The following STON2 variants were observed in gnomAD, a reference collection of about 807,000 sequenced individuals.
The protein encoded by STON2 is stonin 2.
A neutral mutation model predicts 65.7 loss-of-function variants in STON2; 29 were observed. That is an observed-to-expected ratio of 0.44 (90% CI 0.33 to 0.60). The LOEUF (loss-of-function observed/expected upper bound fraction) is 0.60. Ranked by LOEUF, STON2 falls within the 20% of genes least tolerant of loss-of-function variation. STON2 has a pLI of 0.03. For missense variants in STON2, 1,054 were observed against 1,118.1 expected, an observed-to-expected ratio of 0.94 and a Z score of 0.82; for synonymous variants, 404 against 414.2, an observed-to-expected ratio of 0.98 and a Z score of 0.30.
chr14:81,269,296 G>A (rs1052766782), intron 7 of STON2: 52 of 984,732 alleles, frequency 5.3e-5, no homozygotes, highest in Admixed American at 6.2e-5. Context: ...ATGAGCCACA[G>A]CACCCGGCCA....
At chr14:81,408,157 A>ACACACACACACACACACG (rs147841517) in intron 2 of STON2, among the ~76,000 whole-genome samples, 5 of 150,410 alleles carry the variant, frequency 3.3e-5, no homozygotes, top group African/African-American at 1.2e-4. Context: ...ACACACACAC[A>ACACACACACACACACACG]CGCGCACACA....
intron 4 of STON2, among the ~76,000 whole-genome samples, chr14:81,360,001 G>A (rs933689466): frequency 2.0e-5 from 3 of 152,178 alleles, no homozygotes; most frequent in African/African-American, 7.2e-5. Flanking sequence ...TGAGGGCAGA[G>A]GATCGCTCAT....
intron 5 of STON2, among the ~76,000 whole-genome samples, chr14:81,304,975 C>T (rs1393152245): frequency 1.3e-5 from 2 of 152,132 alleles, no homozygotes; most frequent in Non-Finnish European, 2.9e-5. Flanking sequence ...TCACTAACTA[C>T]CTCTTCCCCC....
chr14:81,357,543 TTAC>T (rs1898296391), intron 4 of STON2, among the ~76,000 whole-genome samples: 1 of 151,632 alleles, frequency 6.6e-6, no homozygotes, highest in South Asian at 2.1e-4. Context: ...AGCCATCCCA[TTAC>T]TGGGTATATA....
intron 4 of STON2, among the ~76,000 whole-genome samples, chr14:81,361,341 A>G (rs1898484712): frequency 6.6e-6 from 1 of 152,156 alleles, no homozygotes; most frequent in Non-Finnish European, 1.5e-5. Flanking sequence ...AAGCCCAGAA[A>G]TGAAACCACA....
intron 5 of STON2, among the ~76,000 whole-genome samples, chr14:81,288,569 G>A (rs1895430524): frequency 6.6e-6 from 1 of 152,154 alleles, no homozygotes; most frequent in South Asian, 2.1e-4. Context: ...TGACATACAC[G>A]TGTTCTGTTG....
intron 4 of STON2, among the ~76,000 whole-genome samples, chr14:81,366,405 T>TC (rs569760987): frequency 1.1e-4 from 17 of 151,976 alleles, no homozygotes; most frequent in Non-Finnish European, 2.4e-4. Flanking sequence ...CCGTAATCCC[T>TC]CTCCAAACAA....
At chr14:81,365,925 T>C (rs918369136) in intron 4 of STON2, among the ~76,000 whole-genome samples, 2 of 152,230 alleles carry the variant, frequency 1.3e-5, no homozygotes, top group Non-Finnish European at 2.9e-5. Flanking sequence ...CCAACCCATG[T>C]GAACCTAGTG....
In STON2 at chr14:81,265,166, G is replaced by A. The variant is rs2140085333; in HGVS notation, c.*3248C>T. On this transcript the variant is annotated 3_prime_UTR_variant, in exon 8 of 8. Coordinates refer to ENST00000614646, the MANE Select transcript of STON2 (RefSeq NM_001394390.1). ...AATTTGCCCAACTGTTTTCTATGTA[G>A]GTTATTACATAGCTAATTTGCCCAC... The A allele has an allele frequency of 1.0e-6, 1 of 984,480 alleles. No individual in the cohort carries two copies. The highest frequency in any genetic ancestry group is 1.7e-5 in the African/African-American group (1 of 57,166). The allele number at this position is 984,480 out of a possible 1,614,324, so 61.0% of individuals were successfully genotyped here. A position where few individuals can be genotyped will look rare whatever the true frequency, so the allele number is the denominator to read the frequency against.
chr14:81,431,548 GTGGACACATTACC>G (rs1902225404), intron 1 of STON2, among the ~76,000 whole-genome samples: 1 of 152,080 alleles, frequency 6.6e-6, no homozygotes, highest in African/African-American at 2.4e-5. Flanking sequence ...GGAGGCCAAG[GTGGACACATTACC>G]TGAGATCAGG....
chr14:81,371,711 G>A (rs867848796), intron 3 of STON2, among the ~76,000 whole-genome samples: 12 of 136,516 alleles, frequency 8.8e-5, no homozygotes, highest in Admixed American at 6.7e-4. Context: ...AGAAAAGTAA[G>A]GTCCCAGGAC....
intron 1 of STON2, among the ~76,000 whole-genome samples, chr14:81,427,852 T>C (rs1227292870): frequency 2.0e-5 from 3 of 152,210 alleles, no homozygotes; most frequent in African/African-American, 7.2e-5. Context: ...AGATAGCCCC[T>C]GTTAACTCTT....
chr14:81,278,835 TGGAATCCAGTACATTCCAAA>T (rs762443896), intron 5 of STON2, 96 bp from the exon 6 acceptor site: 19 of 954,556 alleles, frequency 2.0e-5, no homozygotes, highest in Non-Finnish European at 2.9e-5. Context: ...GAATTTTAAC[TGGAATCCAGTACATTCCAAA>T]GCAGCTCATT....
chr14:81,302,967 A>T (rs1342425063), intron 5 of STON2, among the ~76,000 whole-genome samples: 2 of 152,230 alleles, frequency 1.3e-5, no homozygotes, highest in African/African-American at 4.8e-5. Flanking sequence ...AGGAACAAGT[A>T]GAAAAATATT....
At chr14:81,350,636 T>C (rs569516261) in intron 4 of STON2, among the ~76,000 whole-genome samples, 183 of 151,966 alleles carry the variant, frequency 1.2e-3, no homozygotes, top group Non-Finnish European at 2.3e-3. Flanking sequence ...CTTGGCTTTC[T>C]TACCCGTAAA....
chr14:81,364,498 A>G (rs961450746), intron 4 of STON2, among the ~76,000 whole-genome samples: 2 of 152,146 alleles, frequency 1.3e-5, no homozygotes, highest in Non-Finnish European at 2.9e-5. Flanking sequence ...AATGGCATGT[A>G]CTTCCAAGTC....
At chr14:81,402,615 G>A (rs755626481), upstream of STON2, among the ~76,000 whole-genome samples, 2 of 152,156 alleles carry the variant, frequency 1.3e-5, no homozygotes, top group Non-Finnish European at 2.9e-5. Flanking sequence ...CTAGCCCACA[G>A]TGAGTTACAC....
At chr14:81,374,298 C>T (rs1899149512) in intron 3 of STON2, among the ~76,000 whole-genome samples, 1 of 151,846 alleles carries the variant, frequency 6.6e-6, no homozygotes, top group Non-Finnish European at 1.5e-5. Flanking sequence ...GGATTACAGG[C>T]GTGAGCCACC....
Position 81,347,894 on chromosome 14 carries a change from T to C in STON2, c.571+23094A>G, listed in dbSNP as rs141117707. 4.2e-3 allele frequency among the ~76,000 whole-genome samples: 458 copies of C among 109,030 alleles called. 4 individuals carry two copies. Among genetic ancestry groups the C allele is most frequent in the Middle Eastern group, 0.035 (5 of 142 alleles). The allele number at this position is 109,030 out of a possible 152,430, so 71.5% of individuals were successfully genotyped here. A position where few individuals can be genotyped will look rare whatever the true frequency, so the allele number is the denominator to read the frequency against. On this transcript the variant is annotated intron_variant, in intron 4 of 7. Transcript: ENST00000614646. The stretch of plus-strand genomic sequence containing the variant: ...ATTGCAGCAACAGAGTAGGACCCTG[T>C]CTCTTACCAAAAAAAAAAAAAAAAA...
Sources: allele counts gnomAD v4.1 joint callset (sites outside exome capture counted in the v4.1 genomes callset), GRCh38; gene constraint gnomAD v4.1.1; transcripts MANE v1.5; gene names NCBI Gene and HGNC (gene_info 2026-07-23, HGNC 2026-07-21).